Variants in LCA5 observed in about 807,000 individuals in gnomAD.
The protein encoded by LCA5 is lebercilin LCA5.
LCA5 carries 37 observed loss-of-function variants against 53.0 expected under a neutral mutation model. The observed-to-expected ratio is 0.70, with a 90% CI of 0.54 to 0.92. The LOEUF is 0.92. Among genes scored for constraint, LCA5 ranks in the 40% least tolerant of loss-of-function variants. The probability of loss-of-function intolerance (pLI) is 0.00; values close to 1 mark genes in which losing one functional copy is unlikely to be tolerated. For synonymous variants in LCA5, 303 were observed against 282.9 expected, an observed-to-expected ratio of 1.07 and a Z score of -0.71; for missense variants, 806 against 790.5, an observed-to-expected ratio of 1.02 and a Z score of -0.23.
At chr6:79,495,615 G>T (rs942851076) in intron 3 of LCA5, among the ~76,000 whole-genome samples, 2 of 151,940 alleles carry the variant, frequency 1.3e-5, no homozygotes, top group African/African-American at 4.8e-5. Flanking sequence ...GCCAGGTGTG[G>T]TGGCACGCGC....
At position 79,491,667 on chromosome 6, in the gene LCA5, T is replaced by A; in HGVS notation, c.1019A>T (p.Lys340Met). The change falls in exon 6 of 8, where the codon AAG becomes ATG. Residue 340 changes from lysine to methionine, a missense_variant. Physicochemically the swap from Lys to Met is moderately conservative, Grantham distance 95. Transcript: ENST00000369846. ...TGGAGTTAAAGGATATTCTTCTGGC[T>A]TGAAGTCTTCCATGGTTTGTACTCC... ...TKGVQTMEDF[K>M]PEEYPLTPET... The A allele has an allele frequency of 6.2e-7, 1 of 1,613,246 alleles. No individual in the cohort carries two copies. Among genetic ancestry groups the A allele is most frequent in the South Asian group, 1.1e-5 (1 of 91,074 alleles).
rs968836716 is a variant in LCA5, at chr6:79,486,246, T to C, written c.*758A>G. 4 of 152,340 alleles carry C rather than the reference T, an allele frequency of 2.6e-5. No homozygotes were observed. The South Asian group carries it at 6.2e-4, about 24-fold the overall frequency. 9.4% of individuals were successfully genotyped at this position (152,340 alleles called of 1,614,324 possible). A position where few individuals can be genotyped will look rare whatever the true frequency, so the allele number is the denominator to read the frequency against. On this transcript the variant is annotated 3_prime_UTR_variant, in exon 8 of 8. Transcript: ENST00000369846. ...GAAATCTTACACCCAGTCACTGAGA[T>C]ACAAAGAGTGTAGGAGAACAAGGAG... is the stretch of plus-strand genomic sequence containing the variant.
intron 3 of LCA5, among the ~76,000 whole-genome samples, chr6:79,502,882 G>A (rs1487510335): frequency 6.6e-6 from 1 of 151,804 alleles, no homozygotes; most frequent in African/African-American, 2.4e-5. Context: ...TTTTTGTTTT[G>A]TTTTGTTTTG....
chr6:79,523,353 A>G (rs1766683133), intron 1 of LCA5, among the ~76,000 whole-genome samples: 1 of 152,216 alleles, frequency 6.6e-6, no homozygotes, highest in East Asian at 1.9e-4. Context: ...AAGGATAATG[A>G]TAACAGCAAG....
chr6:79,536,569 T>C (rs1195874407), intron 1 of LCA5, among the ~76,000 whole-genome samples: 4 of 152,228 alleles, frequency 2.6e-5, no homozygotes, highest in Admixed American at 6.5e-5. Context: ...AAAGGCACTT[T>C]CTTTTTTCTT....
chr6:79,528,616 C>T (rs1287312481), intron 1 of LCA5, among the ~76,000 whole-genome samples: 1 of 152,110 alleles, frequency 6.6e-6, no homozygotes, highest in East Asian at 1.9e-4. Context: ...TAGGGAGATG[C>T]CTAATGAACT....
chr6:79,531,834 A>G (rs1766968498), intron 1 of LCA5, among the ~76,000 whole-genome samples: 1 of 152,074 alleles, frequency 6.6e-6, no homozygotes, highest in African/African-American at 2.4e-5. Flanking sequence ...TTGTTGAATA[A>G]TCTGCTTCCT....
At chr6:79,496,872 T>A (rs1769996322) in intron 3 of LCA5, among the ~76,000 whole-genome samples, 1 of 152,184 alleles carries the variant, frequency 6.6e-6, no homozygotes, top group Non-Finnish European at 1.5e-5. Flanking sequence ...TTTGAAAGTC[T>A]AGTAGCCTTT....
chr6:79,533,805 A>G (rs1767028699), intron 1 of LCA5, among the ~76,000 whole-genome samples: 1 of 151,810 alleles, frequency 6.6e-6, no homozygotes, highest in African/African-American at 2.4e-5. Context: ...TTTAAGAAAA[A>G]AAACTGTAAA....
chr6:79,499,521 A>C (rs1770072948), intron 3 of LCA5, among the ~76,000 whole-genome samples: 1 of 152,026 alleles, frequency 6.6e-6, no homozygotes, highest in Non-Finnish European at 1.5e-5. Flanking sequence ...AGGTACATGA[A>C]TGTTTTAAAT....
chr6:79,522,018 T>G (rs1210095762), intron 1 of LCA5, among the ~76,000 whole-genome samples: 1 of 152,092 alleles, frequency 6.6e-6, no homozygotes, highest in Non-Finnish European at 1.5e-5. Flanking sequence ...AATCCTTGAG[T>G]TCATATGATA....
At chr6:79,525,280 A>C in intron 1 of LCA5, 1 of 152,222 alleles carries the variant, frequency 6.6e-6, no homozygotes, top group African/African-American at 2.4e-5. Flanking sequence ...CTTAAAAAAA[A>C]AGAAAAGAGA....
At chr6:79,513,795 AT>A in intron 2 of LCA5, 54 bp from the exon 3 acceptor site, 1 of 1,549,662 alleles carries the variant, frequency 6.5e-7, no homozygotes. Context: ...ACACAGTGTT[AT>A]TTGTTCATCC....
intron 3 of LCA5, among the ~76,000 whole-genome samples, chr6:79,503,045 T>C (rs1453199544): frequency 6.6e-6 from 1 of 151,994 alleles, no homozygotes; most frequent in Non-Finnish European, 1.5e-5. Flanking sequence ...CCACACATGA[T>C]TAATTTTTGT....
chr6:79,538,327 A>G (rs780289952), upstream of LCA5, among the ~76,000 whole-genome samples: 5 of 152,212 alleles, frequency 3.3e-5, no homozygotes, highest in Admixed American at 6.5e-5. Context: ...TCTTCTAACC[A>G]TGAAGATTGG....
intron 3 of LCA5, among the ~76,000 whole-genome samples, chr6:79,511,578 T>A (rs1403861423): frequency 6.6e-6 from 1 of 152,140 alleles, no homozygotes; most frequent in African/African-American, 2.4e-5. Flanking sequence ...ATACATGTGA[T>A]GAAACTGCAC....
intron 1 of LCA5, among the ~76,000 whole-genome samples, chr6:79,522,352 T>C (rs1240841021): frequency 6.6e-6 from 1 of 152,010 alleles, no homozygotes; most frequent in African/African-American, 2.4e-5. Context: ...ATGTCTCTGA[T>C]AGGACACAAT....
intron 6 of LCA5, among the ~76,000 whole-genome samples, 194 bp downstream of exon 6, chr6:79,491,393 AG>A (rs1161158495): frequency 6.6e-6 from 1 of 152,134 alleles, no homozygotes; most frequent in African/African-American, 2.4e-5. Context: ...CTCGTCATTT[AG>A]CATTAGGTAT....
At position 79,486,882 on chromosome 6, in the gene LCA5, A is replaced by G; in HGVS notation, c.*122T>C. On this transcript the variant is annotated 3_prime_UTR_variant, in exon 8 of 8. Coordinates refer to ENST00000369846, the MANE Select transcript of LCA5 (RefSeq NM_001122769.3). ...ACTTCTTTTTAACTGCATTGTATTT[A>G]GCTATTAAAAATCATTCCTTAATAA... 2 of 780,202 alleles carry G rather than the reference A, an allele frequency of 2.6e-6. No individual in the cohort carries two copies. The highest frequency in any genetic ancestry group is 4.0e-6 in the Non-Finnish European group (2 of 498,660). 48.3% of individuals were successfully genotyped at this position (780,202 alleles called of 1,614,324 possible).
Sources: allele counts gnomAD v4.1 joint callset (sites outside exome capture counted in the v4.1 genomes callset), GRCh38; gene constraint gnomAD v4.1.1; transcripts MANE v1.5; gene names NCBI Gene and HGNC (gene_info 2026-07-23, HGNC 2026-07-21).